Variants in FHIP2B observed in about 807,000 individuals in gnomAD.
FHIP2B encodes the protein FHF complex subunit HOOK interacting protein 2B.
FHIP2B carries 72 observed loss-of-function variants against 84.0 expected under a neutral mutation model. The observed-to-expected ratio is 0.86, with a 90% CI of 0.71 to 1.04. The LOEUF is 1.04. Among genes scored for constraint, FHIP2B ranks in the 50% least tolerant of loss-of-function variants. FHIP2B has a pLI of 0.00. For synonymous variants in FHIP2B, 497 were observed against 418.7 expected (o/e 1.19, Z -2.28); for missense variants, 972 against 968.9 (o/e 1.00, Z -0.04).
chr8:22,102,490 G>A (rs2131728472), intron 15 of FHIP2B, 38 bp from the exon 16 acceptor site: 3 of 1,543,128 alleles, frequency 1.9e-6, no homozygotes, highest in East Asian at 4.9e-5. Flanking sequence ...CACTGGTGTT[G>A]CTGGCCCCAT....
chr8:22,100,932 A>G lies in FHIP2B; in HGVS notation c.1576A>G (p.Ser526Gly), dbSNP rs1369951254. 2 of 1,613,946 alleles carry G rather than the reference A, an allele frequency of 1.2e-6. No individual in the cohort carries two copies. The highest frequency in any genetic ancestry group is 1.7e-6 in the Non-Finnish European group (2 of 1,179,898). The stretch of plus-strand genomic sequence containing the variant: ...AAAGCCTCGCCTAGCTCCTGCTACC[A>G]GTTACGATGGCAAAACAGCAGTGAC... Reference protein sequence around the residue: ...PAKPRLAPATSYDGKTAVTEI... With the variant: ...PAKPRLAPATGYDGKTAVTEI... The change falls in exon 12 of 17, where the codon AGT becomes GGT. Residue 526 changes from serine (S) to glycine (G), a missense_variant. By Grantham distance (56) the Ser-to-Gly change is moderately conservative. Transcript: ENST00000289921.
At chr8:22,097,432 C>A in intron 3 of FHIP2B, 84 bp from the exon 4 acceptor site, 1 of 1,084,240 alleles carries the variant, frequency 9.2e-7, no homozygotes, top group Non-Finnish European at 1.4e-6. Flanking sequence ...CTCTGACAGG[C>A]GCTCTGTCCC....
In FHIP2B at chr8:22,100,904, C is replaced by G. The variant is rs149555909; in HGVS notation, c.1548C>G (p.Pro516=). 1 of 1,613,914 alleles carries G rather than the reference C, an allele frequency of 6.2e-7. No individual in the cohort carries two copies. Among genetic ancestry groups the G allele is most frequent in the South Asian group, 1.1e-5 (1 of 91,084 alleles). The change falls in exon 12 of 17, where the codon CCC becomes CCG. Residue 516 remains proline, a synonymous_variant. Coordinates refer to ENST00000289921, the MANE Select transcript of FHIP2B (RefSeq NM_022749.7). The part of the protein sequence containing the change: ...DSFLDSGFQT[P]AKPRLAPATS... ...TCCTGGATTCCGGCTTTCAAACTCC[C>G]GCAAAGCCTCGCCTAGCTCCTGCTA...
In FHIP2B at chr8:22,099,329, G is replaced by T. The variant is rs756553229; in HGVS notation, c.1120G>T (p.Val374Leu). Residue 374 changes from valine to leucine, a missense_variant, in exon 9 of 17, where the codon GTG becomes TTG. Val to Leu is a conservative substitution (Grantham distance 32, BLOSUM62 1). Coordinates refer to ENST00000289921, the MANE Select transcript of FHIP2B (RefSeq NM_022749.7). ...LAKAVAENFF[V>L]ETLQPQLLHV... ...GAAGGCTGTGGCTGAGAACTTCTTC[G>T]TGGAGACCCTGCAGCCCCAGCTCCT... 5.6e-6 allele frequency: 9 copies of T among 1,613,760 alleles called. No homozygotes were observed. Among genetic ancestry groups the T allele is most frequent in the Admixed American group, 3.3e-5 (2 of 59,980 alleles).
At chr8:22,089,693 G>C in intron 1 of FHIP2B, 2 of 1,100,034 alleles carry the variant, frequency 1.8e-6, no homozygotes, top group Admixed American at 2.4e-5. Context: ...TCCTTCCTCC[G>C]CTCCACCCCA....
rs555270520 is a variant in FHIP2B, at chr8:22,097,650, G to C, written c.402+30G>C. On this transcript the variant is annotated intron_variant, in intron 4 of 16. Transcript: ENST00000289921. ...GGGGCCCGGAAGCCAAGGGGTGTCT[G>C]GGTGTGAGGCCCCCTCTCTCCCCTG... 5.7e-5 allele frequency: 92 copies of C among 1,604,072 alleles called. No individual in the cohort carries two copies. The East Asian group carries it at 2.0e-3, about 35-fold the overall frequency.
Position 22,098,739 on chromosome 8 carries a change from C to A in FHIP2B, c.965+120C>A, listed in dbSNP as rs936854296. ...TAGGGACCCCTGCTGGCCACCCTCTCCCCAAGGCTGCAGCTGATCCCCAGG... is the reference window on the plus strand; with the variant it reads ...TAGGGACCCCTGCTGGCCACCCTCTACCCAAGGCTGCAGCTGATCCCCAGG... On this transcript the variant is annotated intron_variant, in intron 7 of 16. Transcript: ENST00000289921. The A allele has an allele frequency of 3.1e-5, 35 of 1,132,900 alleles. No homozygotes were observed. The Admixed American group carries it at 8.9e-4, about 29-fold the overall frequency. 70.2% of individuals were successfully genotyped at this position (1,132,900 alleles called of 1,614,324 possible).
At position 22,102,683 on chromosome 8, in the gene FHIP2B, C is replaced by G. The variant is rs537231055; in HGVS notation, c.2093+55C>G. On this transcript the variant is annotated intron_variant, in intron 16 of 16. Coordinates refer to ENST00000289921, the MANE Select transcript of FHIP2B (RefSeq NM_022749.7). Reference sequence around the variant, plus strand: ...TGGGGTGGGAGAGTGGAAAGCGCCTCTGGAGGAGAGGTGGCTGGCCACAGG... The same window carrying G: ...TGGGGTGGGAGAGTGGAAAGCGCCTGTGGAGGAGAGGTGGCTGGCCACAGG... 20 of 1,577,440 alleles carry G rather than the reference C, an allele frequency of 1.3e-5. No individual in the cohort carries two copies. The East Asian group carries it at 4.6e-4, about 37-fold the overall frequency.
rs1437263111 is a variant in FHIP2B at position 22,102,029 on chromosome 8, C to G, written c.1852-146C>G. The G allele has an allele frequency of 2.0e-6, 3 of 1,531,258 alleles. No homozygotes were observed. The South Asian group carries it at 3.8e-5, about 19-fold the overall frequency. The allele number at this position is 1,531,258 out of a possible 1,614,324, so 94.9% of individuals were successfully genotyped here. A position where few individuals can be genotyped will look rare whatever the true frequency, so the allele number is the denominator to read the frequency against. On this transcript the variant is annotated intron_variant, in intron 14 of 16. Transcript: ENST00000289921. ...ACACGTCCTAACACGTTCTGGCCCTCAGCCCCATGGAATCCATGACACACA... is the reference window on the plus strand; with the variant it reads ...ACACGTCCTAACACGTTCTGGCCCTGAGCCCCATGGAATCCATGACACACA...
In FHIP2B at chr8:22,098,709, G is replaced by A. The variant is rs975162098; in HGVS notation, c.965+90G>A. The A allele has an allele frequency of 2.2e-5, 29 of 1,343,002 alleles. No homozygotes were observed. In the South Asian group the frequency reaches 2.2e-4, roughly 10 times the overall value. The allele number at this position is 1,343,002 out of a possible 1,614,324, so 83.2% of individuals were successfully genotyped here. A position where few individuals can be genotyped will look rare whatever the true frequency, so the allele number is the denominator to read the frequency against. ...GTGGCCAGCTCCCCTGGGGTTCCAC[G>A]TTGCTAGGGACCCCTGCTGGCCACC... On this transcript the variant is annotated intron_variant, in intron 7 of 16. Transcript: ENST00000289921.
intron 1 of FHIP2B, among the ~76,000 whole-genome samples, chr8:22,091,934 G>A (rs1185720230): frequency 3.3e-5 from 5 of 152,238 alleles, no homozygotes; most frequent in East Asian, 3.8e-4. Flanking sequence ...ATTGAGGGCA[G>A]GCTAGCTGTA....
At position 22,098,139 on chromosome 8, in the gene FHIP2B, CG is replaced by C. The variant is rs761792801; in HGVS notation, c.601del (p.Asp201ThrfsTer25). The C allele has an allele frequency of 1.0e-5, 16 of 1,581,744 alleles. No individual in the cohort carries two copies. In the South Asian group the frequency reaches 1.7e-4, roughly 17 times the overall value. On this transcript the variant is annotated frameshift_variant, in exon 6 of 17. Coordinates refer to ENST00000289921, the MANE Select transcript of FHIP2B (RefSeq NM_022749.7). LOFTEE classifies it high-confidence loss of function. ...CCCTGCCTAAGGACACAACCAGCCACGGGGACAAGGACTGCTCCCACGATGG... is the reference window on the plus strand; with the variant it reads ...CCCTGCCTAAGGACACAACCAGCCACGGGACAAGGACTGCTCCCACGATGG... ...TALPKDTTSH[G>X]DKDCSHDGAP...
intron 1 of FHIP2B, among the ~76,000 whole-genome samples, chr8:22,093,536 T>C (rs1586316655): frequency 6.6e-6 from 1 of 151,734 alleles, no homozygotes; most frequent in Non-Finnish European, 1.5e-5. Context: ...GGAGTTGGGG[T>C]TGTGCAGGCT....
chr8:22,102,698 C>T (rs1781850157), intron 16 of FHIP2B, 70 bp downstream of exon 16: 1 of 1,589,058 alleles, frequency 6.3e-7, no homozygotes, highest in African/African-American at 1.3e-5. Flanking sequence ...GGAGAGGTGG[C>T]TGGCCACAGG....
At chr8:22,096,866 T>G in intron 3 of FHIP2B, 1 of 198,772 alleles carries the variant, frequency 5.0e-6, no homozygotes, top group Non-Finnish European at 1.0e-5. Flanking sequence ...CTCTAGATGC[T>G]GGGGACACAG....
At chr8:22,101,173 C>A in intron 12 of FHIP2B, 1 of 677,974 alleles carries the variant, frequency 1.5e-6, no homozygotes, top group Non-Finnish European at 2.4e-6. Context: ...CAGACATGCA[C>A]CACCACACCC....
intron 2 of FHIP2B, chr8:22,095,945 T>G (rs1825743745): frequency 6.3e-6 from 1 of 159,780 alleles, no homozygotes; most frequent in African/African-American, 2.4e-5. Flanking sequence ...CTGCTGGAAT[T>G]ACAGCTTCTA....
rs1375619894 is a variant in FHIP2B at position 22,102,773 on chromosome 8, C to T, written c.2094-20C>T. 6.2e-7 allele frequency: 1 copy of T among 1,611,896 alleles called. No homozygotes were observed. The highest frequency in any genetic ancestry group is 8.5e-7 in the Non-Finnish European group (1 of 1,179,110). On this transcript the variant is annotated intron_variant, in intron 16 of 16. Coordinates refer to ENST00000289921, the MANE Select transcript of FHIP2B (RefSeq NM_022749.7). ...GTCCTGCCCCCACCCAGCCATGCCC[C>T]CTGTGCCATCTCCCCTCAGGCTGGA...
intron 6 of FHIP2B, 52 bp from the exon 7 acceptor site, chr8:22,098,371 G>A (rs920427856): frequency 3.2e-6 from 5 of 1,540,290 alleles, no homozygotes; most frequent in Non-Finnish European, 4.4e-6. Context: ...CGGCTGGGGG[G>A]TGATTTGGGG....
Sources: gnomAD v4.1 joint callset for allele counts (sites outside exome capture counted in the v4.1 genomes callset) on GRCh38, gnomAD v4.1.1 for gene constraint, MANE v1.5 for transcripts, NCBI Gene and HGNC (gene_info 2026-07-23, HGNC 2026-07-21) for gene names.